The following NQO1 variants were observed in gnomAD, a reference collection of about 807,000 sequenced individuals.
The protein encoded by NQO1 is NAD(P)H quinone dehydrogenase 1.
Under a neutral mutation model 32.1 loss-of-function variants are expected in NQO1, and 30 were observed. The ratio of observed to expected loss-of-function variants is 0.94; its 90% CI spans 0.70 to 1.27. The LOEUF is 1.27. NQO1 is among the 50% of genes most tolerant of loss of function. The pLI, the probability that NQO1 is intolerant of heterozygous loss-of-function variation, is 0.00. For missense variants in NQO1, 276 were observed against 331.3 expected (o/e 0.83, Z 1.30); for synonymous variants, 109 against 119.7 (o/e 0.91, Z 0.59).
At chr16:69,712,986 C>A (rs764074611) in intron 5 of NQO1, 42 bp downstream of exon 5, 7 of 1,467,168 alleles carry the variant, frequency 4.8e-6, no homozygotes, top group Non-Finnish European at 6.7e-6. Flanking sequence ...GAGTGAGACT[C>A]CGTCTCAAAG....
rs1303002280 is a variant in NQO1 at position 69,711,214 on chromosome 16, G to A, written c.587C>T (p.Thr196Ile). The A allele has an allele frequency of 9.3e-6, 15 of 1,614,062 alleles. No homozygotes were observed. The highest frequency in any genetic ancestry group is 1.2e-5 in the Non-Finnish European group (14 of 1,180,036). Residue 196 changes from threonine (T) to isoleucine (I), a missense_variant, in exon 6 of 6, where the codon ACT becomes ATT. Thr to Ile is a moderately conservative substitution (Grantham distance 89). Coordinates refer to ENST00000320623, the MANE Select transcript of NQO1 (RefSeq NM_000903.3). Reference protein sequence around the residue: ...EPQLTYSIGHTPADARIQILE... With the variant: ...EPQLTYSIGHIPADARIQILE... The stretch of plus-strand genomic sequence containing the variant: ...GATTTGAATTCGGGCGTCTGCTGGA[G>A]TGTGCCCAATGCTATATGTCAGTTG...
intron 1 of NQO1, among the ~76,000 whole-genome samples, chr16:69,725,311 C>G (rs1030975969): frequency 2.6e-5 from 4 of 152,220 alleles, no homozygotes; most frequent in Non-Finnish European, 5.9e-5. Flanking sequence ...AAGGAAATTA[C>G]AAAACACAGG....
intron 1 of NQO1, among the ~76,000 whole-genome samples, chr16:69,720,775 T>G (rs2038178805): frequency 6.6e-6 from 1 of 152,206 alleles, no homozygotes; most frequent in Non-Finnish European, 1.5e-5. Context: ...AATGGGCCTC[T>G]TTTATATTAA....
Position 69,713,075 on chromosome 16 carries a change from G to T in NQO1, c.472C>A (p.Leu158Met). 1 of 1,614,168 alleles carries T rather than the reference G, an allele frequency of 6.2e-7. No individual in the cohort carries two copies. Among genetic ancestry groups the T allele is most frequent in the East Asian group, 2.2e-5 (1 of 44,884 alleles). ...TTCATGTCCCCGTGGATCCCTTGCA[G>T]AGAGTACATGGAGCCACTGCCACCA... ...TTGGSGSMYS[L>M]QGIHGDMNVI... The change falls in exon 5 of 6, where the codon CTG (leucine) becomes ATG (methionine). Residue 158 changes from leucine to methionine, a missense_variant. Transcript: ENST00000320623.
chr16:69,711,183 T>C lies in NQO1; in HGVS notation c.618A>G (p.Glu206=), dbSNP rs1288995998. The stretch of plus-strand genomic sequence containing the variant: ...TATTCTCCAGGCGTTTCTTCCATCC[T>C]TCCAGGATTTGAATTCGGGCGTCTG... ...TPADARIQIL[E]GWKKRLENIW... is the part of the protein sequence containing the mutation. The change falls in exon 6 of 6, where the codon GAA becomes GAG. Residue 206 remains glutamate, a synonymous_variant. Transcript: ENST00000320623. The C allele has an allele frequency of 6.2e-7, 1 of 1,614,076 alleles. No homozygotes were observed. The highest frequency in any genetic ancestry group is 2.2e-5 in the East Asian group (1 of 44,892).
chr16:69,710,965 G>GC lies in NQO1; in HGVS notation c.*10dup. 1 of 1,605,978 alleles carries GC rather than the reference G, an allele frequency of 6.2e-7. No individual in the cohort carries two copies. Among genetic ancestry groups the GC allele is most frequent in the African/African-American group, 1.3e-5 (1 of 74,584 alleles). The stretch of plus-strand genomic sequence containing the variant: ...GATAACATGTTAGAAGGAAATCCAG[G>GC]CTAAGGAATCTCATTTTCTAGCTTT... On this transcript the variant is annotated 3_prime_UTR_variant, in exon 6 of 6. Coordinates refer to ENST00000320623, the MANE Select transcript of NQO1 (RefSeq NM_000903.3).
At position 69,715,047 on chromosome 16, in the gene NQO1, T is replaced by C. The variant is rs969934285; in HGVS notation, c.334A>G (p.Ile112Val). 8.1e-6 allele frequency: 13 copies of C among 1,613,748 alleles called. No individual in the cohort carries two copies. Among genetic ancestry groups the C allele is most frequent in the Non-Finnish European group, 1.1e-5 (13 of 1,179,762 alleles). Residue 112 changes from isoleucine to valine, a missense_variant, in exon 4 of 6, where the codon ATT (isoleucine) becomes GTT (valine). Physicochemically the swap from Ile to Val is conservative, Grantham distance 29. Transcript: ENST00000320623. The stretch of plus-strand genomic sequence containing the variant: ...ACTCGCTCAAACCAGCCTTTCAGAA[T>C]GGCAGGGACTCCAAACCACTGCAGG... ...FPLQWFGVPA[I>V]LKGWFERVFI...
In NQO1 at chr16:69,709,658, A is replaced by G. The variant is rs895068964; in HGVS notation, c.*1318T>C. The G allele has an allele frequency of 2.5e-5, 10 of 396,306 alleles. No homozygotes were observed. The highest frequency in any genetic ancestry group is 2.1e-5 in the African/African-American group (1 of 48,536). The allele number at this position is 396,306 out of a possible 1,614,324, so 24.5% of individuals were successfully genotyped here. A position where few individuals can be genotyped will look rare whatever the true frequency, so the allele number is the denominator to read the frequency against. On this transcript the variant is annotated 3_prime_UTR_variant, in exon 6 of 6. Transcript: ENST00000320623. ...CCATTTTTCAGGCAACCTTTTCATCATTTCTCATCTCTTCTTTCAATGCAC... is the reference window on the plus strand; with the variant it reads ...CCATTTTTCAGGCAACCTTTTCATCGTTTCTCATCTCTTCTTTCAATGCAC...
At chr16:69,724,492 C>A (rs2361839) in intron 1 of NQO1, among the ~76,000 whole-genome samples, 36,865 of 151,272 alleles carry the variant, frequency 0.24, 4,815 homozygotes, top group East Asian at 0.45. Context: ...CACTCCCAGC[C>A]AAAATTTTTT....
chr16:69,718,093 C>G (rs1399459811), intron 3 of NQO1, 30 bp downstream of exon 3: 2 of 1,613,098 alleles, frequency 1.2e-6, no homozygotes, highest in Non-Finnish European at 1.7e-6. Flanking sequence ...CGCAAATGTC[C>G]CTGACACCCC....
At chr16:69,714,823 G>A in intron 4 of NQO1, 141 bp downstream of exon 4, 2 of 598,996 alleles carry the variant, frequency 3.3e-6, no homozygotes, top group Non-Finnish European at 6.1e-6. Flanking sequence ...AGGTTGCAGT[G>A]AGCCGAGATC....
intron 5 of NQO1, 94 bp downstream of exon 5, chr16:69,712,934 A>C (rs1290745975): frequency 4.2e-5 from 42 of 1,010,376 alleles, no homozygotes; most frequent in Non-Finnish European, 6.1e-5. Flanking sequence ...CGGAGCTTGT[A>C]GTGAACTAAG....
At chr16:69,725,560 A>G (rs1341960620) in intron 1 of NQO1, among the ~76,000 whole-genome samples, 1 of 152,120 alleles carries the variant, frequency 6.6e-6, no homozygotes, top group Non-Finnish European at 1.5e-5. Context: ...AGGTTTGCCT[A>G]ATCCAAGGGC....
chr16:69,713,888 G>GTTTTTTTTGTTTTTTTT lies in NQO1; in HGVS notation c.418-760_418-759insAAAAAAAACAAAAAAAA, dbSNP rs376877333. ...TCCGGCTAATTTTTTTTTTGTTTTT[G>GTTTTTTTTGTTTTTTTT]TTTTTGATATGGAGGCTCGCTCTGT... On this transcript the variant is annotated intron_variant, in intron 4 of 5. Coordinates refer to ENST00000320623, the MANE Select transcript of NQO1 (RefSeq NM_000903.3). Among the ~76,000 whole-genome samples the GTTTTTTTTGTTTTTTTT allele has an allele frequency of 1.5e-3, 198 of 130,126 alleles. 20 individuals are homozygous for GTTTTTTTTGTTTTTTTT. In the East Asian group the frequency reaches 0.023, roughly 15 times the overall value. The allele number at this position is 130,126 out of a possible 152,430, so 85.4% of individuals were successfully genotyped here.
At chr16:69,720,469 A>G (rs899942297) in intron 1 of NQO1, among the ~76,000 whole-genome samples, 4 of 151,926 alleles carry the variant, frequency 2.6e-5, no homozygotes, top group African/African-American at 7.3e-5. Flanking sequence ...AAAAGAAATG[A>G]CATATATTTG....
At chr16:69,713,990 C>T (rs542098756) in intron 4 of NQO1, among the ~76,000 whole-genome samples, 5 of 151,676 alleles carry the variant, frequency 3.3e-5, no homozygotes, top group Non-Finnish European at 7.4e-5. Flanking sequence ...ACTATCTTGC[C>T]TCAGCCTCCC....
chr16:69,716,204 C>G (rs1371271532), intron 3 of NQO1, among the ~76,000 whole-genome samples: 2 of 150,590 alleles, frequency 1.3e-5, no homozygotes, highest in Non-Finnish European at 3.0e-5. Context: ...TCATCATCAT[C>G]ATCAACGTGG....
intron 1 of NQO1, among the ~76,000 whole-genome samples, chr16:69,723,579 C>A (rs1330405245): frequency 1.3e-5 from 2 of 152,026 alleles, no homozygotes; most frequent in African/African-American, 4.8e-5. Flanking sequence ...GGGCAGATCA[C>A]CTCATGTCAG....
At chr16:69,724,062 G>A (rs1040397097) in intron 1 of NQO1, among the ~76,000 whole-genome samples, 8 of 150,788 alleles carry the variant, frequency 5.3e-5, no homozygotes, top group African/African-American at 1.5e-4. Flanking sequence ...GCCTGTAATC[G>A]TAGCACTTTG....
Sources: allele counts gnomAD v4.1 joint callset (sites outside exome capture counted in the v4.1 genomes callset), GRCh38; gene constraint gnomAD v4.1.1; transcripts MANE v1.5; gene names NCBI Gene and HGNC (gene_info 2026-07-23, HGNC 2026-07-21).